Variants in FOXO3 observed in about 807,000 individuals in gnomAD.
The protein encoded by FOXO3 is forkhead box protein O3.
FOXO3 carries 4 observed loss-of-function variants against 41.9 expected under a neutral mutation model. The observed-to-expected ratio is 0.10, with a 90% CI of 0.05 to 0.22. The LOEUF is 0.22. FOXO3 is among the 10% of genes least tolerant of loss of function. The probability of loss-of-function intolerance (pLI) is 1.00; values close to 1 mark genes in which losing one functional copy is unlikely to be tolerated. For missense variants in FOXO3, 534 were observed against 906.8 expected (o/e 0.59, Z 5.28); for synonymous variants, 318 against 389.3 (o/e 0.82, Z 2.16).
At chr6:108,657,538 T>G (rs188441672) in intron 1 of FOXO3, among the ~76,000 whole-genome samples, 113 of 152,338 alleles carry the variant, frequency 7.4e-4, no homozygotes, top group Non-Finnish European at 7.3e-5. Context: ...TCAAAGGGTA[T>G]AGCAAAATGT....
intron 1 of FOXO3, among the ~76,000 whole-genome samples, chr6:108,604,232 A>T (rs1464879641): frequency 1.3e-5 from 2 of 152,196 alleles, no homozygotes; most frequent in Non-Finnish European, 2.9e-5. Context: ...TGGTCATTAA[A>T]ATTTGGAATT....
chr6:108,584,625 G>A (rs1247795510), intron 1 of FOXO3, among the ~76,000 whole-genome samples: 4 of 152,186 alleles, frequency 2.6e-5, no homozygotes, highest in South Asian at 2.1e-4. Flanking sequence ...TGGAAGGCAC[G>A]TAATGATGTG....
intron 1 of FOXO3, among the ~76,000 whole-genome samples, chr6:108,636,404 G>A (rs1778121873): frequency 6.6e-6 from 1 of 152,098 alleles, no homozygotes; most frequent in Non-Finnish European, 1.5e-5. Context: ...TTTAGCTGAG[G>A]GGAAGGGTAA....
intron 1 of FOXO3, among the ~76,000 whole-genome samples, chr6:108,622,083 C>T (rs895662081): frequency 2.6e-5 from 4 of 151,790 alleles, no homozygotes; most frequent in Non-Finnish European, 5.9e-5. Flanking sequence ...ATGATGAAAG[C>T]CCATCTCTAC....
chr6:108,663,296 G>A lies in FOXO3; in HGVS notation c.622-159G>A, dbSNP rs140668066. Among the ~76,000 whole-genome samples the A allele has an allele frequency of 6.1e-3, 932 of 152,342 alleles. 3 individuals are homozygous for A. Among genetic ancestry groups the A allele is most frequent in the Middle Eastern group, 0.014 (4 of 294 alleles). ...CAGGATCGCTTCAGCCCAGGAGGTT[G>A]AGGCTGCACCACTGCATTCCAGCAT... On this transcript the variant is annotated intron_variant, in intron 1 of 2. Transcript: ENST00000406360.
At chr6:108,673,425 T>A (rs1220716054) in intron 2 of FOXO3, among the ~76,000 whole-genome samples, 1 of 152,264 alleles carries the variant, frequency 6.6e-6, no homozygotes, top group Non-Finnish European at 1.5e-5. Context: ...GGAGTTCCTC[T>A]CAGTTCCTCT....
At position 108,647,966 on chromosome 6, in the gene FOXO3, T is replaced by C. The variant is rs538160871; in HGVS notation, c.622-15489T>C. On this transcript the variant is annotated intron_variant, in intron 1 of 2. Transcript: ENST00000406360. ...ACAGAGATCTAAAGCTACTAAATAC[T>C]GTCAGAAGAAAGAAGAAAATTTATG... 3.0e-4 allele frequency among the ~76,000 whole-genome samples: 45 copies of C among 152,314 alleles called. 1 individual carries two copies. Among genetic ancestry groups the C allele is most frequent in the African/African-American group, 9.1e-4 (38 of 41,570 alleles).
chr6:108,561,844 C>G lies in FOXO3; in HGVS notation c.621+15C>G. 1.3e-6 allele frequency: 2 copies of G among 1,522,604 alleles called. No homozygotes were observed. The highest frequency in any genetic ancestry group is 1.8e-6 in the Non-Finnish European group (2 of 1,135,438). 94.3% of individuals were successfully genotyped at this position (1,522,604 alleles called of 1,614,324 possible). ...CCGGCTGGAAGGTGCGTACCCACCC[C>G]GGGCTGGCAGCAGGACCCGCCGGGC... On this transcript the variant is annotated intron_variant, in intron 1 of 2. Coordinates refer to ENST00000406360, the MANE Select transcript of FOXO3 (RefSeq NM_001455.4).
upstream of FOXO3, among the ~76,000 whole-genome samples, chr6:108,560,597 A>G (rs1482559148): frequency 6.6e-6 from 1 of 151,996 alleles, no homozygotes; most frequent in African/African-American, 2.4e-5. Context: ...GGAGGCGGCC[A>G]GGCTAGGAAA....
intron 1 of FOXO3, among the ~76,000 whole-genome samples, chr6:108,654,005 A>T (rs1260772675): frequency 2.0e-5 from 3 of 152,208 alleles, no homozygotes; most frequent in African/African-American, 7.2e-5. Flanking sequence ...GAAAGACAAC[A>T]GGGGCATCCA....
Position 108,681,490 on chromosome 6 carries a change from G to T in FOXO3, c.*1698G>T, listed in dbSNP as rs892782354. 6 of 151,418 alleles carry T rather than the reference G, an allele frequency of 4.0e-5. No individual in the cohort carries two copies. Among genetic ancestry groups the T allele is most frequent in the Admixed American group, 4.0e-4 (6 of 15,176 alleles). 9.4% of individuals were successfully genotyped at this position (151,418 alleles called of 1,614,324 possible). On this transcript the variant is annotated 3_prime_UTR_variant, in exon 3 of 3. Coordinates refer to ENST00000406360, the MANE Select transcript of FOXO3 (RefSeq NM_001455.4). The stretch of plus-strand genomic sequence containing the variant: ...CTGCACACACCACCGGCCACCAGGG[G>T]CCCCCTTGTGCGCCTTGGCTTTATA...
intron 1 of FOXO3, among the ~76,000 whole-genome samples, chr6:108,648,028 T>A (rs917567314): frequency 9.2e-5 from 14 of 152,298 alleles, no homozygotes; most frequent in African/African-American, 3.4e-4. Context: ...GAATCCTAGG[T>A]GTCTACATTC....
At chr6:108,676,637 T>C (rs952337905) in intron 2 of FOXO3, among the ~76,000 whole-genome samples, 1 of 152,224 alleles carries the variant, frequency 6.6e-6, no homozygotes, top group African/African-American at 2.4e-5. Context: ...TGTCATACTT[T>C]AAACTATTTA....
chr6:108,678,869 C>CTTTTTTTT (rs1156923290), intron 2 of FOXO3, among the ~76,000 whole-genome samples: 2,393 of 54,964 alleles, frequency 0.044, 341 homozygotes, highest in South Asian at 0.13. Context: ...TTCTTAAATT[C>CTTTTTTTT]TTTTTTTTTT....
intron 1 of FOXO3, among the ~76,000 whole-genome samples, chr6:108,653,652 T>C (rs1778608164): frequency 6.6e-6 from 1 of 152,218 alleles, no homozygotes; most frequent in South Asian, 2.1e-4. Flanking sequence ...CTGCCCTGGT[T>C]GCTTGTCATA....
chr6:108,563,524 G>T lies in FOXO3; in HGVS notation c.621+1695G>T, dbSNP rs187315639. Among the ~76,000 whole-genome samples the T allele has an allele frequency of 1.2e-3, 180 of 152,326 alleles. 5 individuals carry two copies. The highest frequency in any genetic ancestry group is 0.01 in the Admixed American group (158 of 15,306). On this transcript the variant is annotated intron_variant, in intron 1 of 2. Coordinates refer to ENST00000406360, the MANE Select transcript of FOXO3 (RefSeq NM_001455.4). Reference sequence around the variant, plus strand: ...GTTAATCAGTGTATAGTATCAGGAAGGCGTAAGCGGACAGGATCTGAGAAC... The same window carrying T: ...GTTAATCAGTGTATAGTATCAGGAATGCGTAAGCGGACAGGATCTGAGAAC...
chr6:108,620,357 G>A (rs1218312929), intron 1 of FOXO3, among the ~76,000 whole-genome samples: 1 of 152,118 alleles, frequency 6.6e-6, no homozygotes, highest in Non-Finnish European at 1.5e-5. Flanking sequence ...TTAAATAGGA[G>A]GGAGAAAATT....
chr6:108,615,427 G>A (rs905227211), intron 1 of FOXO3, among the ~76,000 whole-genome samples: 7 of 151,686 alleles, frequency 4.6e-5, no homozygotes, highest in African/African-American at 1.7e-4. Context: ...TTCCTCCATT[G>A]TCTCACATAG....
chr6:108,672,844 A>AT (rs143369629), intron 2 of FOXO3, among the ~76,000 whole-genome samples: 1 of 150,070 alleles, frequency 6.7e-6, no homozygotes, highest in Non-Finnish European at 1.5e-5. Flanking sequence ...AGGTTGTGGG[A>AT]TTTTTTTGTT....
Sources: allele counts gnomAD v4.1 joint callset (sites outside exome capture counted in the v4.1 genomes callset), GRCh38; gene constraint gnomAD v4.1.1; transcripts MANE v1.5; gene names NCBI Gene and HGNC (gene_info 2026-07-23, HGNC 2026-07-21).